The following CTSC variants were observed in gnomAD, a reference collection of about 807,000 sequenced individuals.
The protein encoded by CTSC is dipeptidyl peptidase 1.
In CTSC, 37 loss-of-function variants were observed where a neutral mutation model predicts 40.9. That is an observed-to-expected ratio of 0.91 (90% CI 0.70 to 1.19). The LOEUF (loss-of-function observed/expected upper bound fraction) is 1.19, where lower values mean the gene tolerates loss of function less well. Ranked by LOEUF, CTSC falls within the 50% of genes most tolerant of loss-of-function variation. CTSC has a pLI of 0.00. For synonymous variants in CTSC, 232 were observed against 207.4 expected (o/e 1.12, Z -1.02); for missense variants, 594 against 567.3 (o/e 1.05, Z -0.48).
At chr11:88,326,970 G>C (rs1046449149) in intron 2 of CTSC, among the ~76,000 whole-genome samples, 18 of 150,922 alleles carry the variant, frequency 1.2e-4, no homozygotes, top group Admixed American at 4.6e-4. Context: ...TATTTTTCGT[G>C]GAAAAAAAAA....
chr11:88,307,868 G>A (rs577991977), intron 4 of CTSC, among the ~76,000 whole-genome samples: 1 of 151,962 alleles, frequency 6.6e-6, no homozygotes, highest in African/African-American at 2.4e-5. Context: ...CCTTCCTCAC[G>A]GCCTACACAG....
chr11:88,333,919 A>G (rs1260076945), intron 2 of CTSC, among the ~76,000 whole-genome samples: 1 of 151,896 alleles, frequency 6.6e-6, no homozygotes, highest in Non-Finnish European at 1.5e-5. Context: ...AAAGGTCCTT[A>G]TTTTAAAAAT....
At chr11:88,334,248 G>T (rs1240311649) in intron 2 of CTSC, among the ~76,000 whole-genome samples, 1 of 152,212 alleles carries the variant, frequency 6.6e-6, no homozygotes, top group East Asian at 1.9e-4. Flanking sequence ...AAAAGTTCCA[G>T]CTTGTGAAGA....
chr11:88,329,808 G>A (rs962453600), intron 2 of CTSC, among the ~76,000 whole-genome samples: 3 of 152,066 alleles, frequency 2.0e-5, no homozygotes, highest in Admixed American at 1.3e-4. Flanking sequence ...CTCACTCCAT[G>A]CTCTGTCTCC....
intron 2 of CTSC, among the ~76,000 whole-genome samples, chr11:88,315,925 G>A (rs1937868329): frequency 6.6e-6 from 1 of 151,950 alleles, no homozygotes; most frequent in Non-Finnish European, 1.5e-5. Context: ...AAGAAAAGGT[G>A]ACTCTGCAAA....
intron 6 of CTSC, 58 bp from the exon 7 acceptor site, chr11:88,294,566 C>T: frequency 1.3e-6 from 2 of 1,591,492 alleles, no homozygotes; most frequent in Non-Finnish European, 1.7e-6. Flanking sequence ...ATCCCATTTT[C>T]TATTTTTTCT....
intron 2 of CTSC, among the ~76,000 whole-genome samples, chr11:88,315,585 G>A (rs1937857542): frequency 1.3e-5 from 2 of 151,896 alleles, no homozygotes; most frequent in Admixed American, 1.3e-4. Flanking sequence ...GTGCCACAAT[G>A]GCAGAGATTT....
At chr11:88,295,570 G>A (rs1034421404) in intron 6 of CTSC, among the ~76,000 whole-genome samples, 7 of 151,974 alleles carry the variant, frequency 4.6e-5, no homozygotes, top group Non-Finnish European at 8.8e-5. Context: ...TAATAGAGAA[G>A]GGGTTTCGCC....
chr11:88,321,378 A>C (rs1410084259), intron 2 of CTSC: 1 of 152,190 alleles, frequency 6.6e-6, no homozygotes, highest in African/African-American at 2.4e-5. Context: ...ACTAGGCATA[A>C]ATGGGTTAAG....
chr11:88,298,594 T>A (rs1318273758), intron 5 of CTSC: 1 of 152,170 alleles, frequency 6.6e-6, no homozygotes, highest in African/African-American at 2.4e-5. Flanking sequence ...GAAAATACTT[T>A]TTTCCCCAAC....
chr11:88,313,071 T>C (rs76373297), intron 2 of CTSC, among the ~76,000 whole-genome samples: 270 of 152,224 alleles, frequency 1.8e-3, no homozygotes, highest in Middle Eastern at 3.4e-3. Flanking sequence ...GAACAAATGA[T>C]GAACTTTTTT....
At position 88,337,579 on chromosome 11, in the gene CTSC, A is replaced by G. The variant is rs1179893265; in HGVS notation, c.94T>C (p.Tyr32His). 6.3e-7 allele frequency: 1 copy of G among 1,577,624 alleles called. No individual in the cohort carries two copies. The highest frequency in any genetic ancestry group is 1.8e-5 in the Admixed American group (1 of 55,126). The stretch of plus-strand genomic sequence containing the variant: ...ACCCAGGTGCCCAGCAGGTCAAGAT[A>G]GGTGCAGTTGGCAGGTGTGTCGCAG... ...VRCDTPANCT[Y>H]LDLLGTWVFQ... Residue 32 changes from tyrosine (Y) to histidine (H), a missense_variant, in exon 1 of 7, where the codon TAT becomes CAT. By Grantham distance (83) the Tyr-to-His change is moderately conservative (BLOSUM62 2). Transcript: ENST00000227266.
At chr11:88,307,979 C>A (rs1165816259) in intron 4 of CTSC, among the ~76,000 whole-genome samples, 1 of 152,124 alleles carries the variant, frequency 6.6e-6, no homozygotes, top group African/African-American at 2.4e-5. Context: ...TCAAATCAGT[C>A]TCCCAGAACT....
intron 4 of CTSC, among the ~76,000 whole-genome samples, chr11:88,307,519 C>T (rs1461228457): frequency 1.3e-5 from 2 of 150,264 alleles, no homozygotes; most frequent in Admixed American, 6.6e-5. Context: ...ATGAAAAATG[C>T]CACCTCTGGT....
intron 2 of CTSC, among the ~76,000 whole-genome samples, chr11:88,326,697 G>A (rs1938202128): frequency 6.6e-6 from 1 of 152,074 alleles, no homozygotes; most frequent in South Asian, 2.1e-4. Context: ...AACTGCCACT[G>A]AAAAAAACGA....
chr11:88,309,325 C>T lies in CTSC; in HGVS notation c.486-7G>A, dbSNP rs1202142501. The T allele has an allele frequency of 1.9e-6, 3 of 1,609,792 alleles. No homozygotes were observed. In the African/African-American group the frequency reaches 4.0e-5, roughly 22 times the overall value. On this transcript the variant is annotated splice_polypyrimidine_tract_variant and splice_region_variant and intron_variant, in intron 3 of 6. Coordinates refer to ENST00000227266, the MANE Select transcript of CTSC (RefSeq NM_001814.6). ...GTAGAGCCTATTAGAATACCTGTCC[C>T]CAAAAATGAGATAATTTCAGATATA...
At chr11:88,308,690 C>G (rs1937687194) in intron 4 of CTSC, among the ~76,000 whole-genome samples, 1 of 151,840 alleles carries the variant, frequency 6.6e-6, no homozygotes, top group Admixed American at 6.6e-5. Context: ...CACCCCCACC[C>G]CTTCCCCCAA....
chr11:88,295,011 T>C (rs1459070304), intron 6 of CTSC, among the ~76,000 whole-genome samples: 1 of 152,246 alleles, frequency 6.6e-6, no homozygotes, highest in Non-Finnish European at 1.5e-5. Context: ...ACCTTCCTCA[T>C]GCAGTCCTGG....
At chr11:88,325,383 T>G in intron 2 of CTSC, 1 of 985,434 alleles carries the variant, frequency 1.0e-6, no homozygotes, top group African/African-American at 1.7e-5. Flanking sequence ...TCTTAAAACT[T>G]CAACATGAGC....
Sources: gnomAD v4.1 joint callset for allele counts (sites outside exome capture counted in the v4.1 genomes callset) on GRCh38, gnomAD v4.1.1 for gene constraint, MANE v1.5 for transcripts, NCBI Gene and HGNC (gene_info 2026-07-23, HGNC 2026-07-21) for gene names.